The following CPA6 variants were observed in gnomAD, a reference collection of about 807,000 sequenced individuals.
CPA6 encodes carboxypeptidase B.
In CPA6, 58 loss-of-function variants were observed where a neutral mutation model predicts 63.3. That is an observed-to-expected ratio of 0.92 (90% CI 0.74 to 1.14). The LOEUF is 1.14. Ranked by LOEUF, CPA6 falls within the 50% of genes most tolerant of loss-of-function variation. The pLI, the probability that CPA6 is intolerant of heterozygous loss-of-function variation, is 0.00. For missense variants in CPA6, 565 were observed against 526.6 expected, an observed-to-expected ratio of 1.07 and a Z score of -0.71; for synonymous variants, 185 against 179.0, an observed-to-expected ratio of 1.03 and a Z score of -0.27.
chr8:67,473,186 T>C (rs1811102664), intron 8 of CPA6, among the ~76,000 whole-genome samples: 1 of 152,234 alleles, frequency 6.6e-6, no homozygotes, highest in African/African-American at 2.4e-5. Flanking sequence ...CTTTAAATCT[T>C]AGAAACAAAA....
intron 2 of CPA6, chr8:67,569,520 AC>A: frequency 2.2e-6 from 1 of 449,042 alleles, no homozygotes; most frequent in South Asian, 1.8e-5. Context: ...ATGAATCAGT[AC>A]CAGAGCTTGA....
At chr8:67,732,713 A>C (rs1029111758) in intron 1 of CPA6, 10 of 152,482 alleles carry the variant, frequency 6.6e-5, no homozygotes, top group African/African-American at 2.4e-4. Context: ...GTGGAGGAAC[A>C]TGCACAGAAT....
At chr8:67,501,238 C>T (rs551260147) in intron 6 of CPA6, among the ~76,000 whole-genome samples, 1 of 151,952 alleles carries the variant, frequency 6.6e-6, no homozygotes, top group Non-Finnish European at 1.5e-5. Flanking sequence ...TTTATTTCAC[C>T]AGCATTTTGT....
chr8:67,667,729 A>C (rs1816261536), intron 1 of CPA6, among the ~76,000 whole-genome samples: 1 of 152,172 alleles, frequency 6.6e-6, no homozygotes, highest in Non-Finnish European at 1.5e-5. Context: ...GTTTAATCTC[A>C]ACTGAATACA....
intron 3 of CPA6, among the ~76,000 whole-genome samples, chr8:67,512,190 T>C (rs1368080304): frequency 1.3e-5 from 2 of 152,306 alleles, no homozygotes; most frequent in African/African-American, 4.8e-5. Context: ...AGATTCTAAG[T>C]CCAGGGTCAC....
intron 1 of CPA6, among the ~76,000 whole-genome samples, chr8:67,697,022 C>T (rs1057213371): frequency 3.3e-5 from 5 of 152,232 alleles, no homozygotes; most frequent in African/African-American, 1.2e-4. Flanking sequence ...AAGACTCCCA[C>T]ACCATTCTAT....
chr8:67,635,117 C>CA (rs1221106033), intron 1 of CPA6, among the ~76,000 whole-genome samples: 1 of 151,474 alleles, frequency 6.6e-6, no homozygotes, highest in Non-Finnish European at 1.5e-5. Flanking sequence ...CTAACTCCTG[C>CA]ACTCAACTGA....
chr8:67,560,751 G>T (rs1564000856), intron 2 of CPA6, among the ~76,000 whole-genome samples: 1 of 152,104 alleles, frequency 6.6e-6, no homozygotes, highest in Non-Finnish European at 1.5e-5. Context: ...TGAGCAAAAT[G>T]GAAATGGGTT....
chr8:67,731,256 T>C (rs1817699998), intron 1 of CPA6, among the ~76,000 whole-genome samples: 1 of 152,234 alleles, frequency 6.6e-6, no homozygotes, highest in African/African-American at 2.4e-5. Context: ...AAATTCTTTT[T>C]CACACACAAA....
chr8:67,684,323 C>T (rs577379853), intron 1 of CPA6, among the ~76,000 whole-genome samples: 21 of 152,044 alleles, frequency 1.4e-4, no homozygotes, highest in Non-Finnish European at 2.8e-4. Flanking sequence ...CTTGTAGGAG[C>T]TTAATAAATA....
At chr8:67,637,978 ATT>A (rs869132313) in intron 1 of CPA6, among the ~76,000 whole-genome samples, 4 of 130,506 alleles carry the variant, frequency 3.1e-5, no homozygotes, top group African/African-American at 6.1e-5. Context: ...AATGCTAGAA[ATT>A]TTGTGTGTGT....
chr8:67,502,746 A>C (rs1811852748), intron 6 of CPA6, among the ~76,000 whole-genome samples: 2 of 152,322 alleles, frequency 1.3e-5, no homozygotes, highest in South Asian at 4.1e-4. Context: ...CCCATGGATC[A>C]TTTAGAAATG....
At chr8:67,596,985 T>C (rs188381663) in intron 2 of CPA6, among the ~76,000 whole-genome samples, 28 of 152,330 alleles carry the variant, frequency 1.8e-4, no homozygotes, top group African/African-American at 6.7e-4. Flanking sequence ...GGTACTGACT[T>C]ATCCTATTAT....
At chr8:67,461,167 T>C (rs1452980866) in intron 8 of CPA6, among the ~76,000 whole-genome samples, 1 of 144,358 alleles carries the variant, frequency 6.9e-6, no homozygotes, top group Admixed American at 7.0e-5. Context: ...GATAAACAAG[T>C]GAACAAAGGT....
chr8:67,508,899 T>C (rs570206052), intron 5 of CPA6, among the ~76,000 whole-genome samples: 2 of 152,186 alleles, frequency 1.3e-5, no homozygotes, highest in African/African-American at 4.8e-5. Context: ...AACTGGGTAG[T>C]TATAAATAAA....
intron 8 of CPA6, among the ~76,000 whole-genome samples, chr8:67,475,767 C>CTTTCTTTCTTTCTT (rs1195620414): frequency 1.4e-5 from 1 of 71,604 alleles, no homozygotes; most frequent in African/African-American, 5.3e-5. Flanking sequence ...TTCTTTCTTT[C>CTTTCTTTCTTTCTT]TCTTTCTTTC....
intron 2 of CPA6, among the ~76,000 whole-genome samples, chr8:67,527,438 T>C (rs4737839): frequency 0.11 from 15,989 of 152,254 alleles, 1,006 homozygotes; most frequent in Middle Eastern, 0.26. Context: ...ACTTGGGAAA[T>C]GAAAGACATA....
chr8:67,450,030 G>T (rs1474541763), intron 8 of CPA6, among the ~76,000 whole-genome samples: 1 of 151,586 alleles, frequency 6.6e-6, no homozygotes, highest in East Asian at 2.0e-4. Context: ...TGGCCAGGCT[G>T]GTCTCGAACT....
At chr8:67,659,468 T>C (rs1002523463) in intron 1 of CPA6, among the ~76,000 whole-genome samples, 3 of 152,228 alleles carry the variant, frequency 2.0e-5, no homozygotes, top group Non-Finnish European at 4.4e-5. Flanking sequence ...TAATTTATCT[T>C]GGAAAAAAAT....
Sources: gnomAD v4.1 joint callset for allele counts (sites outside exome capture counted in the v4.1 genomes callset) on GRCh38, gnomAD v4.1.1 for gene constraint, MANE v1.5 for transcripts, NCBI Gene and HGNC (gene_info 2026-07-23, HGNC 2026-07-21) for gene names.